FAF1: variants seen among roughly 807,000 people sequenced by gnomAD.
FAF1 encodes the protein FAS-associated factor 1.
In FAF1, 25 loss-of-function variants were observed where a neutral mutation model predicts 92.5. That is an observed-to-expected ratio of 0.27 (90% CI 0.20 to 0.38). The LOEUF is 0.38. Ranked by LOEUF, FAF1 falls within the 10% of genes least tolerant of loss-of-function variation. The pLI, the probability that FAF1 is intolerant of heterozygous loss-of-function variation, is 1.00. For missense variants in FAF1, 636 were observed against 793.3 expected (o/e 0.80, Z 2.38); for synonymous variants, 234 against 273.2 (o/e 0.86, Z 1.42).
rs572595625 is a variant in FAF1, at chr1:50,918,641, C to T, written c.45+41126G>A. The stretch of plus-strand genomic sequence containing the variant: ...AAGTCTTTGCTATTGTGAATAGTGC[C>T]GCAATAAACATACGTGTGCATGTGT... On this transcript the variant is annotated intron_variant, in intron 1 of 18. Coordinates refer to ENST00000396153, the MANE Select transcript of FAF1 (RefSeq NM_007051.3). Among the ~76,000 whole-genome samples the T allele has an allele frequency of 1.8e-4, 10 of 56,128 alleles. No homozygotes were observed. In the South Asian group the frequency reaches 5.2e-3, roughly 29 times the overall value. 36.8% of individuals were successfully genotyped at this position (56,128 alleles called of 152,430 possible). A position where few individuals can be genotyped will look rare whatever the true frequency, so the allele number is the denominator to read the frequency against.
chr1:50,751,061 A>C (rs1179825783), intron 4 of FAF1, among the ~76,000 whole-genome samples: 1 of 142,248 alleles, frequency 7.0e-6, no homozygotes, highest in Non-Finnish European at 1.5e-5. Context: ...ACAGTGATGG[A>C]TTATAAGCTG....
chr1:50,607,328 G>A (rs559531294), intron 8 of FAF1, among the ~76,000 whole-genome samples: 1 of 152,198 alleles, frequency 6.6e-6, no homozygotes, highest in African/African-American at 2.4e-5. Context: ...TATTCATTCT[G>A]TGACCTTGAT....
intron 1 of FAF1, among the ~76,000 whole-genome samples, chr1:50,917,838 T>C (rs1289279545): frequency 6.6e-6 from 1 of 151,974 alleles, no homozygotes; most frequent in East Asian, 1.9e-4. Context: ...TGGGAGAAAA[T>C]GTTCGCAATA....
chr1:50,868,105 T>G (rs1406471268), intron 1 of FAF1, among the ~76,000 whole-genome samples: 1 of 152,074 alleles, frequency 6.6e-6, no homozygotes, highest in Non-Finnish European at 1.5e-5. Context: ...CATGTTCTCA[T>G]TTATAAGTGG....
chr1:50,761,286 T>G (rs1225509782), intron 4 of FAF1, among the ~76,000 whole-genome samples: 1 of 152,198 alleles, frequency 6.6e-6, no homozygotes, highest in Admixed American at 6.5e-5. Flanking sequence ...CCATTCCTTC[T>G]GAAACTATTC....
At chr1:50,824,173 A>G (rs1181320240) in intron 2 of FAF1, among the ~76,000 whole-genome samples, 1 of 152,190 alleles carries the variant, frequency 6.6e-6, no homozygotes, top group Non-Finnish European at 1.5e-5. Context: ...TTAACAAGCT[A>G]AATACAATAA....
intron 6 of FAF1, among the ~76,000 whole-genome samples, chr1:50,737,419 T>C (rs959787781): frequency 1.3e-5 from 2 of 152,232 alleles, no homozygotes; most frequent in Non-Finnish European, 2.9e-5. Context: ...GATTACCTAT[T>C]TTATGACAGT....
chr1:50,702,780 C>T (rs909937077), intron 7 of FAF1, among the ~76,000 whole-genome samples: 11 of 152,090 alleles, frequency 7.2e-5, no homozygotes, highest in Non-Finnish European at 1.2e-4. Context: ...CTTGGTTTAT[C>T]ACCATTAACT....
chr1:50,609,273 C>T (rs1652582371), intron 8 of FAF1, among the ~76,000 whole-genome samples: 1 of 152,172 alleles, frequency 6.6e-6, no homozygotes, highest in Admixed American at 6.5e-5. Context: ...AAGAATGAAC[C>T]TGGCATAGCT....
chr1:50,500,830 A>T (rs1263852527), intron 15 of FAF1, among the ~76,000 whole-genome samples: 2 of 152,178 alleles, frequency 1.3e-5, no homozygotes, highest in Non-Finnish European at 2.9e-5. Context: ...TGAGGTATGT[A>T]GAAGACAAAT....
intron 7 of FAF1, among the ~76,000 whole-genome samples, chr1:50,671,498 T>C (rs1655875292): frequency 6.6e-6 from 1 of 152,144 alleles, no homozygotes; most frequent in Admixed American, 6.6e-5. Context: ...CACAAAACGA[T>C]TGCTTGAGCA....
At chr1:50,759,975 C>T (rs1660256700) in intron 4 of FAF1, among the ~76,000 whole-genome samples, 1 of 152,062 alleles carries the variant, frequency 6.6e-6, no homozygotes, top group Non-Finnish European at 1.5e-5. Flanking sequence ...TGTTCATGTT[C>T]TTCACCCACT....
At chr1:50,490,466 GAA>G (rs1646823600) in intron 17 of FAF1, 120 bp downstream of exon 17, 1 of 589,422 alleles carries the variant, frequency 1.7e-6, no homozygotes, top group African/African-American at 2.4e-5. Flanking sequence ...GAAGGAAAAA[GAA>G]AGAAGGAAGG....
At chr1:50,819,679 GTATA>G (rs1188082096) in intron 2 of FAF1, among the ~76,000 whole-genome samples, 1 of 83,238 alleles carries the variant, frequency 1.2e-5, no homozygotes, top group South Asian at 3.4e-4. Flanking sequence ...CTCTCTCTCT[GTATA>G]TATATATACA....
intron 5 of FAF1, among the ~76,000 whole-genome samples, chr1:50,740,947 C>T (rs948956923): frequency 1.3e-5 from 2 of 152,146 alleles, no homozygotes; most frequent in African/African-American, 4.8e-5. Flanking sequence ...TTCCATGCCA[C>T]TATCCAAAGA....
At chr1:50,791,698 C>A (rs1287447463) in intron 3 of FAF1, among the ~76,000 whole-genome samples, 1 of 152,226 alleles carries the variant, frequency 6.6e-6, no homozygotes, top group Non-Finnish European at 1.5e-5. Context: ...CTTCATGATT[C>A]TGTTAACCCC....
At chr1:50,475,223 G>C (rs143411199) in intron 18 of FAF1, among the ~76,000 whole-genome samples, 1 of 152,198 alleles carries the variant, frequency 6.6e-6, no homozygotes, top group Non-Finnish European at 1.5e-5. Context: ...AGGGAAAACA[G>C]CTAGGAAGGA....
At chr1:50,686,151 G>C (rs1055646484) in intron 7 of FAF1, among the ~76,000 whole-genome samples, 1 of 152,132 alleles carries the variant, frequency 6.6e-6, no homozygotes, top group Non-Finnish European at 1.5e-5. Context: ...TTATAACCTA[G>C]AAAAATTGCT....
chr1:50,889,368 G>A (rs1208409252), intron 1 of FAF1, among the ~76,000 whole-genome samples: 2 of 152,024 alleles, frequency 1.3e-5, no homozygotes, highest in East Asian at 1.9e-4. Flanking sequence ...ATCTCCTTCA[G>A]TTCTGCTCTG....
Sources: allele counts gnomAD v4.1 joint callset (sites outside exome capture counted in the v4.1 genomes callset), GRCh38; gene constraint gnomAD v4.1.1; transcripts MANE v1.5; gene names NCBI Gene and HGNC (gene_info 2026-07-23, HGNC 2026-07-21).